Variants in PSD3 observed in about 807,000 individuals in gnomAD.
The protein encoded by PSD3 is pleckstrin and Sec7 domain containing 3.
PSD3 carries 49 observed loss-of-function variants against 105.5 expected under a neutral mutation model. The ratio of observed to expected loss-of-function variants is 0.46; its 90% CI spans 0.37 to 0.59. The LOEUF is 0.59. Among genes scored for constraint, PSD3 ranks in the 20% least tolerant of loss-of-function variants. The probability of loss-of-function intolerance (pLI) is 0.00; values close to 1 mark genes in which losing one functional copy is unlikely to be tolerated. For missense variants in PSD3, 1,561 were observed against 1,263.8 expected (o/e 1.24, Z -3.57); for synonymous variants, 557 against 457.8 (o/e 1.22, Z -2.77).
rs560139179 is a variant in PSD3, at chr8:18,822,100, C to T, written c.1635-17202G>A. Among the ~76,000 whole-genome samples the T allele has an allele frequency of 7.2e-5, 11 of 152,210 alleles. No individual in the cohort carries two copies. In the South Asian group the frequency reaches 2.3e-3, roughly 32 times the overall value. ...CACCACCTTGATAATTTTTTGTTTA[C>T]TTCCTATTTACTTTCTATCTTTTCT... is the stretch of plus-strand genomic sequence containing the variant. On this transcript the variant is annotated intron_variant, in intron 4 of 15. Transcript: ENST00000327040.
At chr8:18,929,210 G>A (rs1821577782) in intron 2 of PSD3, among the ~76,000 whole-genome samples, 1 of 151,592 alleles carries the variant, frequency 6.6e-6, no homozygotes, top group Non-Finnish European at 1.5e-5. Context: ...ATATGAAAAT[G>A]GCAACAACCA....
intron 10 of PSD3, among the ~76,000 whole-genome samples, chr8:18,650,340 T>C (rs1182122115): frequency 6.6e-6 from 1 of 152,216 alleles, no homozygotes; most frequent in Non-Finnish European, 1.5e-5. Flanking sequence ...ACTGGAAATT[T>C]TTTAAAGCCA....
Position 18,594,316 on chromosome 8 carries a change from TATATAATATATATTATAATATATA to T in PSD3, c.2481+6024_2481+6047del, listed in dbSNP as rs1377930002. Among the ~76,000 whole-genome samples the T allele has an allele frequency of 1.6e-3, 54 of 33,894 alleles. 3 individuals carry two copies. The highest frequency in any genetic ancestry group is 4.0e-3 in the African/African-American group (54 of 13,442). The allele number at this position is 33,894 out of a possible 152,430, so 22.2% of individuals were successfully genotyped here. On this transcript the variant is annotated intron_variant, in intron 12 of 15. Transcript: ENST00000327040. ...TTATATATAATAATATATATTATTA[TATATAATATATATTATAATATATA>T]ATATATATTCTATATATTATATAAT...
intron 1 of PSD3, among the ~76,000 whole-genome samples, chr8:18,965,649 G>A (rs1824192219): frequency 1.3e-5 from 2 of 152,200 alleles, no homozygotes; most frequent in Non-Finnish European, 2.9e-5. Context: ...TGCAGTAAGT[G>A]GTGTACATAA....
chr8:18,908,480 A>C (rs1819986360), intron 2 of PSD3, among the ~76,000 whole-genome samples: 1 of 152,114 alleles, frequency 6.6e-6, no homozygotes, highest in Non-Finnish European at 1.5e-5. Context: ...GCAAAGAACA[A>C]ATGAGCATAC....
chr8:18,594,722 A>G (rs568353911), intron 12 of PSD3, among the ~76,000 whole-genome samples: 1 of 151,922 alleles, frequency 6.6e-6, no homozygotes, highest in South Asian at 2.1e-4. Flanking sequence ...ATAACATGAC[A>G]CAGTATTTGC....
At chr8:18,745,564 C>G (rs1804943896) in intron 9 of PSD3, among the ~76,000 whole-genome samples, 1 of 152,142 alleles carries the variant, frequency 6.6e-6, no homozygotes, top group Non-Finnish European at 1.5e-5. Flanking sequence ...TTTATATTTT[C>G]CCTGCCCCAG....
At chr8:18,786,074 T>G (rs1167229528) in intron 8 of PSD3, among the ~76,000 whole-genome samples, 2 of 152,024 alleles carry the variant, frequency 1.3e-5, no homozygotes, top group African/African-American at 4.8e-5. Flanking sequence ...CAATAAAAAG[T>G]TTCCCTGTGG....
At chr8:18,933,864 CAGAA>C in intron 2 of PSD3, among the ~76,000 whole-genome samples, 1 of 152,170 alleles carries the variant, frequency 6.6e-6, no homozygotes, top group East Asian at 1.9e-4. Flanking sequence ...ACTTCAAGCC[CAGAA>C]TAGTTAGGTA....
chr8:18,721,927 C>T (rs1229926637), intron 9 of PSD3, among the ~76,000 whole-genome samples: 1 of 152,020 alleles, frequency 6.6e-6, no homozygotes, highest in African/African-American at 2.4e-5. Flanking sequence ...AAGGGACAAC[C>T]ATTTTTAAGT....
At chr8:18,985,699 A>C (rs1321085216) in intron 1 of PSD3, among the ~76,000 whole-genome samples, 1 of 152,178 alleles carries the variant, frequency 6.6e-6, no homozygotes, top group African/African-American at 2.4e-5. Flanking sequence ...TGACTACTAA[A>C]AGCAGGCATT....
At chr8:18,917,937 A>C (rs1185908378) in intron 2 of PSD3, among the ~76,000 whole-genome samples, 1 of 152,100 alleles carries the variant, frequency 6.6e-6, no homozygotes, top group Non-Finnish European at 1.5e-5. Context: ...GTGTGTGTTT[A>C]TGTATTTATG....
At chr8:18,538,477 C>A (rs1488955140) in intron 15 of PSD3, among the ~76,000 whole-genome samples, 1 of 152,158 alleles carries the variant, frequency 6.6e-6, no homozygotes, top group Non-Finnish European at 1.5e-5. Context: ...TACTCCTAAA[C>A]TGCCTTGGTG....
At chr8:18,537,149 G>C (rs926070716) in intron 15 of PSD3, among the ~76,000 whole-genome samples, 4 of 152,138 alleles carry the variant, frequency 2.6e-5, no homozygotes, top group African/African-American at 9.7e-5. Flanking sequence ...GATTCAAGTG[G>C]GGTGTGAGCG....
At chr8:18,698,576 C>T (rs991751719) in intron 9 of PSD3, among the ~76,000 whole-genome samples, 2 of 152,170 alleles carry the variant, frequency 1.3e-5, no homozygotes, top group Non-Finnish European at 2.9e-5. Context: ...AAAAGATTCT[C>T]CCCTCGAGCC....
intron 12 of PSD3, among the ~76,000 whole-genome samples, chr8:18,599,323 T>C (rs916878647): frequency 6.6e-6 from 1 of 152,188 alleles, no homozygotes; most frequent in Non-Finnish European, 1.5e-5. Context: ...TACATTGCTT[T>C]GGAAAACCAT....
chr8:18,995,069 A>G (rs928943796), intron 1 of PSD3, among the ~76,000 whole-genome samples: 2 of 152,148 alleles, frequency 1.3e-5, no homozygotes, highest in African/African-American at 4.8e-5. Context: ...AACAAAGCCA[A>G]AGGACTGCTT....
At chr8:18,910,713 A>C (rs1488234553) in intron 2 of PSD3, among the ~76,000 whole-genome samples, 1 of 151,886 alleles carries the variant, frequency 6.6e-6, no homozygotes, top group Non-Finnish European at 1.5e-5. Context: ...GGAAAAATAC[A>C]AAAAGCTGTT....
intron 15 of PSD3, among the ~76,000 whole-genome samples, chr8:18,548,252 T>C (rs932951650): frequency 6.6e-6 from 1 of 152,188 alleles, no homozygotes; most frequent in Non-Finnish European, 1.5e-5. Flanking sequence ...TATCTTTGTA[T>C]TCTGTGGCCT....
Sources: gnomAD v4.1 joint callset for allele counts (sites outside exome capture counted in the v4.1 genomes callset) on GRCh38, gnomAD v4.1.1 for gene constraint, MANE v1.5 for transcripts, NCBI Gene and HGNC (gene_info 2026-07-23, HGNC 2026-07-21) for gene names.